Variants in SHLD1 observed in about 807,000 individuals in gnomAD.
SHLD1 encodes the protein shieldin complex subunit 1, also known as RINN1-REV7-interacting novel NHEJ regulator 3.
SHLD1 carries 3 observed loss-of-function variants against 5.5 expected under a neutral mutation model. That is an observed-to-expected ratio of 0.54 (90% CI 0.25 to 1.40). The LOEUF is 1.40. SHLD1 is among the 40% of genes most tolerant of loss of function. SHLD1 has a pLI of 0.15. For missense variants in SHLD1, 210 were observed against 244.4 expected (o/e 0.86, Z 0.94); for synonymous variants, 92 against 94.3 (o/e 0.98, Z 0.14).
chr20:5,765,471 A>G (rs952584654), intron 1 of SHLD1, among the ~76,000 whole-genome samples: 1 of 151,272 alleles, frequency 6.6e-6, no homozygotes, highest in Admixed American at 6.6e-5. Flanking sequence ...GGTGGTCTCA[A>G]ACTTCTGACC....
chr20:5,833,826 G>A (rs139321910), intron 2 of SHLD1, among the ~76,000 whole-genome samples: 12 of 152,026 alleles, frequency 7.9e-5, no homozygotes, highest in East Asian at 1.9e-4. Flanking sequence ...GGTGAGGGGC[G>A]GAATAGTTGT....
At chr20:5,804,243 G>A (rs908285451) in intron 2 of SHLD1, among the ~76,000 whole-genome samples, 1 of 151,924 alleles carries the variant, frequency 6.6e-6, no homozygotes, top group Non-Finnish European at 1.5e-5. Flanking sequence ...GAACCCAGGA[G>A]GCAGAGGTTG....
chr20:5,763,167 G>T (rs369165454), intron 1 of SHLD1, among the ~76,000 whole-genome samples: 2 of 151,352 alleles, frequency 1.3e-5, no homozygotes, highest in African/African-American at 4.9e-5. Flanking sequence ...TTATCCAGGC[G>T]TAGTGGCGCA....
At chr20:5,779,083 A>C (rs1985571033) in intron 2 of SHLD1, among the ~76,000 whole-genome samples, 1 of 151,830 alleles carries the variant, frequency 6.6e-6, no homozygotes, top group African/African-American at 2.4e-5. Context: ...GGCACCTGTA[A>C]TCCCAGCTAC....
intron 2 of SHLD1, among the ~76,000 whole-genome samples, chr20:5,824,351 G>A (rs752827220): frequency 1.3e-4 from 20 of 152,188 alleles, no homozygotes; most frequent in East Asian, 3.9e-4. Context: ...CATTCACCTC[G>A]CTCTCTATCC....
chr20:5,752,620 T>G (rs1454124714), intron 1 of SHLD1, among the ~76,000 whole-genome samples: 5 of 150,382 alleles, frequency 3.3e-5, no homozygotes, highest in Non-Finnish European at 4.4e-5. Flanking sequence ...TTGGGGTTTT[T>G]TTTTTTTTTT....
chr20:5,786,634 G>A (rs138463387), intron 2 of SHLD1, among the ~76,000 whole-genome samples: 1 of 152,054 alleles, frequency 6.6e-6, no homozygotes, highest in Admixed American at 6.6e-5. Context: ...TTGACTGTAG[G>A]TGATAAGACC....
chr20:5,816,965 G>A (rs917890943), intron 2 of SHLD1, among the ~76,000 whole-genome samples: 8 of 152,038 alleles, frequency 5.3e-5, no homozygotes, highest in African/African-American at 1.9e-4. Context: ...GTTATCTTGG[G>A]GGCTGAGGCA....
At chr20:5,754,311 A>C (rs1479469384) in intron 1 of SHLD1, among the ~76,000 whole-genome samples, 3 of 151,906 alleles carry the variant, frequency 2.0e-5, no homozygotes, top group Non-Finnish European at 4.4e-5. Context: ...GGTTTTCACC[A>C]TGTTGCGCAG....
At chr20:5,773,899 C>T (rs138394176) in intron 2 of SHLD1, among the ~76,000 whole-genome samples, 159 of 152,078 alleles carry the variant, frequency 1.0e-3, no homozygotes, top group African/African-American at 3.7e-3. Context: ...ATGTTGTTGT[C>T]GTTAATATTA....
chr20:5,803,575 T>A (rs1464224726), intron 2 of SHLD1, among the ~76,000 whole-genome samples: 4 of 150,700 alleles, frequency 2.7e-5, no homozygotes, highest in African/African-American at 4.9e-5. Context: ...ATTTAACATT[T>A]AAAAAAAAAC....
chr20:5,769,455 C>T (rs949857975), intron 1 of SHLD1, among the ~76,000 whole-genome samples: 2 of 152,210 alleles, frequency 1.3e-5, no homozygotes, highest in African/African-American at 2.4e-5. Flanking sequence ...AGGTGGACTA[C>T]GGACCCCCCA....
intron 1 of SHLD1, among the ~76,000 whole-genome samples, chr20:5,751,144 C>A (rs1043184099): frequency 1.3e-5 from 2 of 152,212 alleles, no homozygotes; most frequent in Non-Finnish European, 2.9e-5. Context: ...ACATTCACCA[C>A]GTCCACTCCG....
intron 1 of SHLD1, among the ~76,000 whole-genome samples, chr20:5,758,697 G>A (rs113163133): frequency 0.042 from 6,441 of 152,158 alleles, 437 homozygotes; most frequent in African/African-American, 0.15. Flanking sequence ...GGGATTACAG[G>A]TGTGAGCCAC....
chr20:5,779,767 C>T (rs1450410548), intron 2 of SHLD1, among the ~76,000 whole-genome samples: 2 of 152,120 alleles, frequency 1.3e-5, no homozygotes, highest in African/African-American at 4.8e-5. Context: ...GTGAGGCACA[C>T]ACTGTTGGCT....
intron 2 of SHLD1, among the ~76,000 whole-genome samples, chr20:5,794,198 C>CTATA (rs2087179994): frequency 6.6e-6 from 1 of 152,174 alleles, no homozygotes; most frequent in Non-Finnish European, 1.5e-5. Flanking sequence ...GTTTCCTCAT[C>CTATA]TATAAGATGA....
At chr20:5,790,889 G>GC (rs1328694977) in intron 2 of SHLD1, among the ~76,000 whole-genome samples, 3 of 152,180 alleles carry the variant, frequency 2.0e-5, no homozygotes, top group Non-Finnish European at 4.4e-5. Flanking sequence ...ATGGCTGAGC[G>GC]CGGTGGCTCA....
At chr20:5,849,288 G>A (rs1017775207) in intron 2 of SHLD1, among the ~76,000 whole-genome samples, 4 of 152,204 alleles carry the variant, frequency 2.6e-5, no homozygotes, top group Non-Finnish European at 5.9e-5. Context: ...GGTTCAGAGT[G>A]AATCAGGGCC....
intron 2 of SHLD1, among the ~76,000 whole-genome samples, chr20:5,776,911 C>T (rs76418121): frequency 0.019 from 2,853 of 152,232 alleles, 24 homozygotes; most frequent in Non-Finnish European, 0.03. Flanking sequence ...ATAGTGATCA[C>T]TCCCATTTAT....
Sources: gnomAD v4.1 joint callset for allele counts (sites outside exome capture counted in the v4.1 genomes callset) on GRCh38, gnomAD v4.1.1 for gene constraint, MANE v1.5 for transcripts, NCBI Gene and HGNC (gene_info 2026-07-23, HGNC 2026-07-21) for gene names.